PDZRN4: variants seen among roughly 807,000 people sequenced by gnomAD.
PDZRN4 encodes PDZ domain containing ring finger 4, also known as PDZ domain-containing RING finger protein 4.
Under a neutral mutation model 99.0 loss-of-function variants are expected in PDZRN4, and 70 were observed. That is an observed-to-expected ratio of 0.71 (90% CI 0.58 to 0.86). The LOEUF (loss-of-function observed/expected upper bound fraction) is 0.86, where lower values mean the gene tolerates loss of function less well. Ranked by LOEUF, PDZRN4 falls within the 40% of genes least tolerant of loss-of-function variation. The probability of loss-of-function intolerance (pLI) is 0.00; values close to 1 mark genes in which losing one functional copy is unlikely to be tolerated. For missense variants in PDZRN4, 1,474 were observed against 1,331.2 expected, an observed-to-expected ratio of 1.11 and a Z score of -1.67; for synonymous variants, 551 against 501.6, an observed-to-expected ratio of 1.10 and a Z score of -1.32.
chr12:41,452,511 C>T (rs1952783993), intron 3 of PDZRN4, among the ~76,000 whole-genome samples: 1 of 151,584 alleles, frequency 6.6e-6, no homozygotes, highest in South Asian at 2.1e-4. Flanking sequence ...CTTATGATGC[C>T]TAATATTACC....
At chr12:41,189,460 G>A (rs1417062474) in intron 1 of PDZRN4, among the ~76,000 whole-genome samples, 1 of 152,094 alleles carries the variant, frequency 6.6e-6, no homozygotes, top group African/African-American at 2.4e-5. Context: ...CTTGTCCCGT[G>A]CCTGAAGCAA....
intron 3 of PDZRN4, among the ~76,000 whole-genome samples, chr12:41,442,850 G>T (rs1357548111): frequency 6.6e-6 from 1 of 152,058 alleles, no homozygotes; most frequent in Non-Finnish European, 1.5e-5. Flanking sequence ...AAATGAAACA[G>T]ATGGGTAATG....
At chr12:41,315,790 A>G (rs979126771) in intron 3 of PDZRN4, among the ~76,000 whole-genome samples, 4 of 152,112 alleles carry the variant, frequency 2.6e-5, no homozygotes, top group Non-Finnish European at 4.4e-5. Context: ...ATTGTATTGC[A>G]AGTTGTTTTA....
At chr12:41,194,267 C>T (rs1190161043) in intron 3 of PDZRN4, 79 bp downstream of exon 3, 1 of 732,866 alleles carries the variant, frequency 1.4e-6, no homozygotes, top group Non-Finnish European at 2.4e-6. Context: ...TACCACTTTA[C>T]CTTGGTGTGG....
chr12:41,516,731 C>T (rs966485682), intron 5 of PDZRN4, among the ~76,000 whole-genome samples: 7 of 151,366 alleles, frequency 4.6e-5, no homozygotes, highest in African/African-American at 7.3e-5. Context: ...CCTGGTTTGC[C>T]CTAAACAGTC....
At position 41,574,139 on chromosome 12, in the gene PDZRN4, A is replaced by G. The variant is rs1012066130; in HGVS notation, c.*249A>G. 5 of 288,844 alleles carry G rather than the reference A, an allele frequency of 1.7e-5. No homozygotes were observed. The highest frequency in any genetic ancestry group is 6.5e-5 in the African/African-American group (3 of 46,174). 17.9% of individuals were successfully genotyped at this position (288,844 alleles called of 1,614,324 possible). A position where few individuals can be genotyped will look rare whatever the true frequency, so the allele number is the denominator to read the frequency against. On this transcript the variant is annotated 3_prime_UTR_variant, in exon 10 of 10. Coordinates refer to ENST00000402685, the MANE Select transcript of PDZRN4 (RefSeq NM_001164595.2). ...ACTCGTTTATAAAAAATCAAAAACA[A>G]AAGGAAAGAAAACAAAAAAAACTTG... is the stretch of plus-strand genomic sequence containing the variant.
chr12:41,365,106 AT>A (rs1195152909), intron 3 of PDZRN4, among the ~76,000 whole-genome samples: 4 of 151,930 alleles, frequency 2.6e-5, no homozygotes, highest in Non-Finnish European at 5.9e-5. Flanking sequence ...TAAGTTTCAG[AT>A]TTTTTTCTCG....
At chr12:41,232,481 A>G (rs1469493782) in intron 3 of PDZRN4, among the ~76,000 whole-genome samples, 1 of 152,094 alleles carries the variant, frequency 6.6e-6, no homozygotes, top group Non-Finnish European at 1.5e-5. Flanking sequence ...TGTGAAATTT[A>G]TATGGTTCTA....
At chr12:41,229,436 T>C (rs1428557957) in intron 3 of PDZRN4, among the ~76,000 whole-genome samples, 2 of 152,074 alleles carry the variant, frequency 1.3e-5, no homozygotes, top group Non-Finnish European at 2.9e-5. Context: ...GCTTTCTCAT[T>C]AAACAGCAGA....
intron 3 of PDZRN4, among the ~76,000 whole-genome samples, chr12:41,476,486 T>C (rs973867711): frequency 5.9e-5 from 9 of 152,200 alleles, no homozygotes; most frequent in South Asian, 2.1e-4. Context: ...ACAGATGACC[T>C]TTTTGTTTGA....
chr12:41,284,496 G>GA (rs1301033126), intron 3 of PDZRN4, among the ~76,000 whole-genome samples: 1 of 152,034 alleles, frequency 6.6e-6, no homozygotes. Flanking sequence ...CACAGAATTA[G>GA]AAAAAACTAC....
chr12:41,305,548 C>T (rs1267321847), intron 3 of PDZRN4, among the ~76,000 whole-genome samples: 1 of 152,012 alleles, frequency 6.6e-6, no homozygotes, highest in Non-Finnish European at 1.5e-5. Context: ...TAGGTGGGTC[C>T]TATATGGCAA....
intron 7 of PDZRN4, among the ~76,000 whole-genome samples, chr12:41,557,992 A>G (rs1262379967): frequency 6.6e-6 from 1 of 152,202 alleles, no homozygotes; most frequent in Non-Finnish European, 1.5e-5. Flanking sequence ...GGAGAGAATG[A>G]TAGGGTAGAT....
At chr12:41,464,822 T>TTC (rs1555144685) in intron 3 of PDZRN4, among the ~76,000 whole-genome samples, 3 of 133,622 alleles carry the variant, frequency 2.2e-5, no homozygotes, top group Non-Finnish European at 4.7e-5. Context: ...CTGTTGTACT[T>TTC]TTTTTTTTTT....
At chr12:41,387,654 C>T (rs117169372) in intron 3 of PDZRN4, among the ~76,000 whole-genome samples, 214 of 152,158 alleles carry the variant, frequency 1.4e-3, no homozygotes, top group Non-Finnish European at 2.0e-3. Context: ...AGACATACAG[C>T]GGCCAACAAT....
chr12:41,552,690 A>G lies in PDZRN4; in HGVS notation c.1238A>G (p.Lys413Arg), dbSNP rs773968007. 1 of 1,613,904 alleles carries G rather than the reference A, an allele frequency of 6.2e-7. No homozygotes were observed. The highest frequency in any genetic ancestry group is 8.5e-7 in the Non-Finnish European group (1 of 1,179,822). ...VELCRVSSQE[K>R]LGLTVCYRTD... ...TTGTGTCGTGTTAGCAGTCAAGAGA[A>G]GCTGGGCCTGACAGTCTGTTACCGA... The change falls in exon 6 of 10, where the codon AAG becomes AGG. Residue 413 changes from lysine to arginine, a missense_variant. By Grantham distance (26) the Lys-to-Arg change is conservative. Transcript: ENST00000402685.
chr12:41,523,403 G>A (rs888791997), intron 5 of PDZRN4, among the ~76,000 whole-genome samples: 3 of 152,108 alleles, frequency 2.0e-5, no homozygotes, highest in Non-Finnish European at 4.4e-5. Flanking sequence ...ACGTGGAAGC[G>A]TCTAGAAAGT....
intron 3 of PDZRN4, among the ~76,000 whole-genome samples, chr12:41,304,058 C>G (rs1368038049): frequency 6.6e-6 from 1 of 152,082 alleles, no homozygotes; most frequent in East Asian, 1.9e-4. Flanking sequence ...GTCAGAAAAT[C>G]CTTCACAAAA....
chr12:41,359,969 G>T (rs1021631949), intron 3 of PDZRN4, among the ~76,000 whole-genome samples: 1 of 151,890 alleles, frequency 6.6e-6, no homozygotes, highest in Non-Finnish European at 1.5e-5. Flanking sequence ...GTTTTCCATC[G>T]GGGGATAATC....
Sources: gnomAD v4.1 joint callset for allele counts (sites outside exome capture counted in the v4.1 genomes callset) on GRCh38, gnomAD v4.1.1 for gene constraint, MANE v1.5 for transcripts, NCBI Gene and HGNC (gene_info 2026-07-23, HGNC 2026-07-21) for gene names.